Variants in CDK17 observed in about 807,000 individuals in gnomAD.
The protein encoded by CDK17 is cyclin-dependent kinase 17.
Under a neutral mutation model 77.6 loss-of-function variants are expected in CDK17, and 24 were observed. The observed-to-expected ratio is 0.31, with a 90% CI of 0.22 to 0.44. The LOEUF (loss-of-function observed/expected upper bound fraction) is 0.44. CDK17 is among the 20% of genes least tolerant of loss of function. The pLI is 1.00. For synonymous variants in CDK17, 203 were observed against 210.4 expected (o/e 0.96, Z 0.30); for missense variants, 429 against 622.5 (o/e 0.69, Z 3.31).
In CDK17 at chr12:96,289,246, T is replaced by C; in HGVS notation, c.1039A>G (p.Asn347Asp). Residue 347 changes from asparagine to aspartate, a missense_variant, in exon 11 of 17, where the codon AAT (asparagine) becomes GAT (aspartate). Asn to Asp is a conservative substitution (Grantham distance 23). Coordinates refer to ENST00000261211, the MANE Select transcript of CDK17 (RefSeq NM_002595.5). ...AKSVPTKTYSNEVVTLWYRPP... is the reference protein window; with the variant it reads ...AKSVPTKTYSDEVVTLWYRPP... ...CGGTACCATAGTGTGACAACTTCATTTGAGTAGGTCTTTGTGGGAACTGAC... is the reference window on the plus strand; with the variant it reads ...CGGTACCATAGTGTGACAACTTCATCTGAGTAGGTCTTTGTGGGAACTGAC... 5.0e-6 allele frequency: 8 copies of C among 1,613,922 alleles called. No homozygotes were observed. The highest frequency in any genetic ancestry group is 1.1e-5 in the South Asian group (1 of 91,062).
chr12:96,358,224 A>T (rs555264105), intron 1 of CDK17, among the ~76,000 whole-genome samples: 1 of 152,170 alleles, frequency 6.6e-6, no homozygotes, highest in South Asian at 2.1e-4. Context: ...AAAAGCACAT[A>T]AAAAGTTAAG....
rs1195150305 is a variant in CDK17 at position 96,319,213 on chromosome 12, T to C, written c.283+4735A>G. 3.3e-5 allele frequency among the ~76,000 whole-genome samples: 5 copies of C among 151,866 alleles called. No individual in the cohort carries two copies. In the South Asian group the frequency reaches 1.0e-3, roughly 31 times the overall value. On this transcript the variant is annotated intron_variant, in intron 3 of 16. Coordinates refer to ENST00000261211, the MANE Select transcript of CDK17 (RefSeq NM_002595.5). ...AGAAAATCTAGAAGAAATGGATACA[T>C]TCCTCAACACATACACTCTCCCAAG...
intron 1 of CDK17, among the ~76,000 whole-genome samples, chr12:96,351,665 A>T (rs565146739): frequency 6.6e-6 from 1 of 152,322 alleles, no homozygotes; most frequent in African/African-American, 2.4e-5. Context: ...TAAAATGGCA[A>T]ATTTTGTTTT....
At chr12:96,292,843 T>TAAA (rs538105280) in intron 10 of CDK17, among the ~76,000 whole-genome samples, 2 of 147,840 alleles carry the variant, frequency 1.4e-5, no homozygotes, top group African/African-American at 5.0e-5. Flanking sequence ...CCAGATTAGC[T>TAAA]AAAAAAAAAA....
chr12:96,316,905 C>T (rs1294250183), intron 3 of CDK17, among the ~76,000 whole-genome samples: 4 of 150,714 alleles, frequency 2.7e-5, no homozygotes, highest in Non-Finnish European at 5.9e-5. Flanking sequence ...AGTGCCTCTC[C>T]TCCTCCAAAG....
intron 1 of CDK17, among the ~76,000 whole-genome samples, chr12:96,349,906 ATAAAC>A (rs1250038060): frequency 2.0e-5 from 3 of 152,236 alleles, no homozygotes; most frequent in Non-Finnish European, 4.4e-5. Flanking sequence ...ATTAGAGCTA[ATAAAC>A]TAATTTCCTT....
intron 2 of CDK17, among the ~76,000 whole-genome samples, chr12:96,333,601 G>A (rs1246062110): frequency 6.6e-6 from 1 of 151,352 alleles, no homozygotes; most frequent in Non-Finnish European, 1.5e-5. Context: ...TTGAACCCAG[G>A]AGGTGGAGGT....
intron 16 of CDK17, 32 bp downstream of exon 16, chr12:96,280,776 T>C: frequency 6.2e-7 from 1 of 1,605,120 alleles, no homozygotes; most frequent in Non-Finnish European, 8.5e-7. Flanking sequence ...AAATTCATGA[T>C]CGACACGTGA....
At chr12:96,392,365 C>T (rs556164323) in intron 1 of CDK17, among the ~76,000 whole-genome samples, 12 of 151,828 alleles carry the variant, frequency 7.9e-5, no homozygotes, top group African/African-American at 2.7e-4. Context: ...GATGAATGGA[C>T]GGCAGTACGG....
At chr12:96,368,815 G>GA (rs1953639637) in intron 1 of CDK17, among the ~76,000 whole-genome samples, 1 of 96,830 alleles carries the variant, frequency 1.0e-5, no homozygotes, top group African/African-American at 3.4e-5. Context: ...ACGGGGGGGG[G>GA]GGGGGGGGGC....
intron 1 of CDK17, among the ~76,000 whole-genome samples, chr12:96,367,997 A>G (rs1458249029): frequency 6.6e-6 from 1 of 152,216 alleles, no homozygotes; most frequent in African/African-American, 2.4e-5. Context: ...CAGGTAAGAA[A>G]TGTCACACTG....
At chr12:96,307,251 T>C (rs1016232797) in intron 5 of CDK17, among the ~76,000 whole-genome samples, 2 of 152,020 alleles carry the variant, frequency 1.3e-5, no homozygotes, top group Admixed American at 1.3e-4. Context: ...CCCGAGATCA[T>C]GCCATTGCAC....
At chr12:96,335,436 A>T (rs946004901) in intron 1 of CDK17, among the ~76,000 whole-genome samples, 11 of 152,208 alleles carry the variant, frequency 7.2e-5, no homozygotes, top group African/African-American at 2.7e-4. Flanking sequence ...ACCAAGCTTT[A>T]GAAGGAAGAA....
intron 5 of CDK17, among the ~76,000 whole-genome samples, chr12:96,309,015 T>C (rs1952613812): frequency 6.6e-6 from 1 of 152,218 alleles, no homozygotes; most frequent in South Asian, 2.1e-4. Context: ...GCTATTGCTA[T>C]GAAACAAAAA....
At chr12:96,291,282 T>G (rs886145958) in intron 10 of CDK17, among the ~76,000 whole-genome samples, 1 of 152,030 alleles carries the variant, frequency 6.6e-6, no homozygotes, top group Non-Finnish European at 1.5e-5. Flanking sequence ...CTGATAAAAG[T>G]AGTTGTTGTT....
rs1952860763 is a variant in CDK17 at position 96,324,064 on chromosome 12, G to A, written c.167C>T (p.Ser56Phe). 2 of 1,610,250 alleles carry A rather than the reference G, an allele frequency of 1.2e-6. No individual in the cohort carries two copies. Among genetic ancestry groups the A allele is most frequent in the Non-Finnish European group, 1.7e-6 (2 of 1,178,220 alleles). The change falls in exon 3 of 17, where the codon TCC becomes TTC. Residue 56 changes from serine to phenylalanine, a missense_variant. Ser to Phe is a radical substitution (Grantham distance 155, BLOSUM62 -2). This residue lies in a region of CDK17 where 262 missense variants were observed against 385.4 expected (regional missense o/e 0.68). Transcript: ENST00000261211. Reference sequence around the variant, plus strand: ...AGATCCTGTGTACTGGTGGAGGAAGGAATGCATACTGTGAGACGTTGGAGG... The same window carrying A: ...AGATCCTGTGTACTGGTGGAGGAAGAAATGCATACTGTGAGACGTTGGAGG... ...GRPPTSHSMH[S>F]FLHQYTGSFK...
chr12:96,286,028 A>T lies in CDK17; in HGVS notation c.1322+15T>A. 7.3e-7 allele frequency: 1 copy of T among 1,368,252 alleles called. No homozygotes were observed. The highest frequency in any genetic ancestry group is 1.0e-6 in the Non-Finnish European group (1 of 964,844). The allele number at this position is 1,368,252 out of a possible 1,614,324, so 84.8% of individuals were successfully genotyped here. The stretch of plus-strand genomic sequence containing the variant: ...TCATGTGTTTTCCCCCCTTTCACAT[A>T]AGAAAAAAAAATACCTGGGTGCGTG... On this transcript the variant is annotated intron_variant, in intron 13 of 16. Transcript: ENST00000261211.
intron 1 of CDK17, among the ~76,000 whole-genome samples, chr12:96,355,723 G>A (rs752235749): frequency 2.0e-5 from 3 of 151,968 alleles, no homozygotes; most frequent in Non-Finnish European, 2.9e-5. Flanking sequence ...GTCTATTGTC[G>A]ATTCCCTCCA....
At chr12:96,399,110 A>G (rs1320520680) in intron 1 of CDK17, 2 of 152,450 alleles carry the variant, frequency 1.3e-5, no homozygotes, top group Non-Finnish European at 2.9e-5. Flanking sequence ...GGAGTGGGTG[A>G]AAAGTAGGGG....
Sources: allele counts gnomAD v4.1 joint callset (sites outside exome capture counted in the v4.1 genomes callset), GRCh38; gene constraint gnomAD v4.1.1; regional missense constraint gnomAD v4.1.1; transcripts MANE v1.5; gene names NCBI Gene and HGNC (gene_info 2026-07-23, HGNC 2026-07-21).